Variants in ADAMTS18 observed in about 807,000 individuals in gnomAD.
ADAMTS18 encodes the protein ADAM metallopeptidase with thrombospondin type 1 motif 18.
A neutral mutation model predicts 165.9 loss-of-function variants in ADAMTS18; 157 were observed. That is an observed-to-expected ratio of 0.95 (90% CI 0.83 to 1.08). The LOEUF (loss-of-function observed/expected upper bound fraction) is 1.08, where lower values mean the gene tolerates loss of function less well. Among genes scored for constraint, ADAMTS18 ranks in the 50% least tolerant of loss-of-function variants. The pLI is 0.00. For synonymous variants in ADAMTS18, 782 were observed against 578.2 expected (o/e 1.35, Z -5.06); for missense variants, 2,040 against 1,534.0 (o/e 1.33, Z -5.51).
Position 77,321,194 on chromosome 16 carries a change from T to C in ADAMTS18, c.2172A>G (p.Gly724=). ...VCIDGVCELV[G]CDHELGSKAV... ...CTTTAGAGCCTAGTTCATGATCACA[T>C]CCCACTAGCTGTGACAAAAACAAAA... Residue 724 remains glycine (G), a synonymous_variant, in exon 15 of 23, where the codon GGA becomes GGG. Transcript: ENST00000282849. 1 of 1,614,100 alleles carries C rather than the reference T, an allele frequency of 6.2e-7. No homozygotes were observed. The highest frequency in any genetic ancestry group is 1.3e-5 in the African/African-American group (1 of 75,022).
chr16:77,384,328 C>G lies in ADAMTS18; in HGVS notation c.496-16605G>C, dbSNP rs370572606. ...CACAGCCCCCTCGTAGGCTTCCATA[C>G]CATTCACAGCACATATCAAGGAAAC... On this transcript the variant is annotated intron_variant, in intron 3 of 22. Transcript: ENST00000282849. Among the ~76,000 whole-genome samples, 6 of 152,174 alleles carry G rather than the reference C, an allele frequency of 3.9e-5. No individual in the cohort carries two copies. The East Asian group carries it at 7.7e-4, about 20-fold the overall frequency.
At chr16:77,295,155 T>G in intron 18 of ADAMTS18, 28 bp from the exon 19 acceptor site, 1 of 1,613,150 alleles carries the variant, frequency 6.2e-7, no homozygotes, top group South Asian at 1.1e-5. Context: ...ACATTACCAA[T>G]GAAGCCAAAC....
chr16:77,394,792 G>A (rs1286599389), intron 3 of ADAMTS18, among the ~76,000 whole-genome samples: 1 of 152,154 alleles, frequency 6.6e-6, no homozygotes, highest in Non-Finnish European at 1.5e-5. Context: ...ATTAATGTAG[G>A]ATTGCCATCA....
chr16:77,288,553 C>A (rs1019887274), intron 22 of ADAMTS18, among the ~76,000 whole-genome samples: 5 of 152,132 alleles, frequency 3.3e-5, no homozygotes, highest in African/African-American at 1.2e-4. Context: ...ACTGCACTTC[C>A]CTTGAACTAA....
rs775505870 is a variant in ADAMTS18 at position 77,367,715 on chromosome 16, T to G, written c.504A>C (p.Leu168Phe). 1.9e-6 allele frequency: 3 copies of G among 1,614,078 alleles called. No individual in the cohort carries two copies. In the East Asian group the frequency reaches 6.7e-5, roughly 36 times the overall value. ...AVSTCAGLSG[L>F]IRTRKNEFLI... Reference sequence around the variant, plus strand: ...GGAATTCATTTTTTCGTGTCCTTATTAAACCTGACTAAAAAGCCAAACACA... The same window carrying G: ...GGAATTCATTTTTTCGTGTCCTTATGAAACCTGACTAAAAAGCCAAACACA... The change falls in exon 4 of 23, where the codon TTA becomes TTC. Residue 168 changes from leucine to phenylalanine, a missense_variant. Coordinates refer to ENST00000282849, the MANE Select transcript of ADAMTS18 (RefSeq NM_199355.4).
intron 3 of ADAMTS18, chr16:77,378,942 G>C (rs1008903723): frequency 2.6e-5 from 4 of 152,128 alleles, no homozygotes; most frequent in African/African-American, 7.2e-5. Flanking sequence ...TCAGTTTATT[G>C]AGAAAAACAA....
intron 3 of ADAMTS18, among the ~76,000 whole-genome samples, chr16:77,388,862 C>T (rs1051657604): frequency 2.0e-5 from 3 of 152,160 alleles, no homozygotes; most frequent in African/African-American, 7.2e-5. Context: ...CTAACAGATT[C>T]TGAATAAGTG....
intron 11 of ADAMTS18, among the ~76,000 whole-genome samples, chr16:77,336,987 T>A (rs1042487317): frequency 2.0e-5 from 3 of 152,234 alleles, no homozygotes; most frequent in Non-Finnish European, 2.9e-5. Flanking sequence ...GACTTTCAAA[T>A]CTTCACTTAT....
rs765223011 is a variant in ADAMTS18, at chr16:77,297,295, G to A, written c.2795C>T (p.Pro932Leu). 27 of 1,614,106 alleles carry A rather than the reference G, an allele frequency of 1.7e-5. No homozygotes were observed. The highest frequency in any genetic ancestry group is 3.3e-5 in the Admixed American group (2 of 60,016). ...ACACTTCCAAATGACTTACTAAGCC[G>A]GGCAGGAGAAAGCGTTGCAGATTTT... Reference protein sequence around the residue: ...EPKICNAFSCPAYWMPGEWST... With the variant: ...EPKICNAFSCLAYWMPGEWST... The change falls in exon 18 of 23, where the codon CCG becomes CTG. Residue 932 changes from proline (P) to leucine (L), a missense_variant. Transcript: ENST00000282849.
intron 16 of ADAMTS18, among the ~76,000 whole-genome samples, chr16:77,303,767 C>G (rs2144600386): frequency 6.6e-6 from 1 of 152,308 alleles, no homozygotes; most frequent in Non-Finnish European, 1.5e-5. Flanking sequence ...GACGCGGGGG[C>G]TCGCGCCTGT....
intron 3 of ADAMTS18, among the ~76,000 whole-genome samples, chr16:77,384,207 A>G (rs1272588442): frequency 3.9e-5 from 6 of 152,210 alleles, no homozygotes; most frequent in African/African-American, 1.4e-4. Context: ...CAAGACTTCA[A>G]CGTCTACATT....
chr16:77,421,670 T>C (rs1305879344), intron 3 of ADAMTS18, among the ~76,000 whole-genome samples: 1 of 152,204 alleles, frequency 6.6e-6, no homozygotes, highest in Non-Finnish European at 1.5e-5. Flanking sequence ...ACTGGGTGGC[T>C]AATATCACTG....
At chr16:77,409,721 G>C (rs1388795393) in intron 3 of ADAMTS18, among the ~76,000 whole-genome samples, 1 of 152,088 alleles carries the variant, frequency 6.6e-6, no homozygotes, top group Admixed American at 6.6e-5. Flanking sequence ...TCAGCTAAAA[G>C]CTAGGCTATC....
chr16:77,350,801 G>A (rs1333282766), intron 10 of ADAMTS18, among the ~76,000 whole-genome samples: 1 of 152,114 alleles, frequency 6.6e-6, no homozygotes, highest in Non-Finnish European at 1.5e-5. Flanking sequence ...TTTCTCACAA[G>A]TTTCAGGTCT....
At chr16:77,424,752 A>C (rs1262047164) in intron 3 of ADAMTS18, among the ~76,000 whole-genome samples, 1 of 152,256 alleles carries the variant, frequency 6.6e-6, no homozygotes, top group Non-Finnish European at 1.5e-5. Flanking sequence ...AGCCTAAGAA[A>C]ACATCACTGA....
At position 77,335,851 on chromosome 16, in the gene ADAMTS18, G is replaced by C; in HGVS notation, c.1764C>G (p.Ile588Met). The change falls in exon 12 of 23, where the codon ATC (isoleucine) becomes ATG (methionine). Residue 588 changes from isoleucine to methionine, a missense_variant. Physicochemically the swap from Ile to Met is conservative, Grantham distance 10 (BLOSUM62 1). Coordinates refer to ENST00000282849, the MANE Select transcript of ADAMTS18 (RefSeq NM_199355.4). ...TCGACCAGGCGGACCACTGGCCGTG[G>C]ATGGGCCGGGGCCCGAGCTCCCCAA... Reference protein sequence around the residue: ...VKFGELGPRPIHGQWSAWSKW... With the variant: ...VKFGELGPRPMHGQWSAWSKW... 2 of 1,614,206 alleles carry C rather than the reference G, an allele frequency of 1.2e-6. No homozygotes were observed. Among genetic ancestry groups the C allele is most frequent in the African/African-American group, 2.7e-5 (2 of 75,058 alleles).
intron 21 of ADAMTS18, among the ~76,000 whole-genome samples, chr16:77,290,087 T>C (rs2055333529): frequency 6.6e-6 from 1 of 152,266 alleles, no homozygotes; most frequent in African/African-American, 2.4e-5. Flanking sequence ...CATTAATTTT[T>C]CTTAAATGTA....
At position 77,335,869 on chromosome 16, in the gene ADAMTS18, C is replaced by A. The variant is rs2056301700; in HGVS notation, c.1746G>T (p.Glu582Asp). The change falls in exon 12 of 23, where the codon GAG becomes GAT. Residue 582 changes from glutamate (E) to aspartate (D), a missense_variant. Glu to Asp is a conservative substitution (Grantham distance 45). Coordinates refer to ENST00000282849, the MANE Select transcript of ADAMTS18 (RefSeq NM_199355.4). ...GGCCGTGGATGGGCCGGGGCCCGAGCTCCCCAAACTTTACGCACTGGCCTT... is the reference window on the plus strand; with the variant it reads ...GGCCGTGGATGGGCCGGGGCCCGAGATCCCCAAACTTTACGCACTGGCCTT... ...CRQGQCVKFG[E>D]LGPRPIHGQW... is the part of the protein sequence containing the mutation. 2 of 1,614,070 alleles carry A rather than the reference C, an allele frequency of 1.2e-6. No individual in the cohort carries two copies. Among genetic ancestry groups the A allele is most frequent in the African/African-American group, 2.7e-5 (2 of 74,930 alleles).
Position 77,291,334 on chromosome 16 carries a change from G to A in ADAMTS18, c.3334C>T (p.Arg1112Ter), listed in dbSNP as rs776870884. ...ACTGGATGGGCTGGGCAAGCCCGTC[G>A]GTTGCAGGTCTCTTCCAAGTCCAGA... ...PNLDLEETCN[R>*]RACPAHPVYN... The change falls in exon 21 of 23, where the codon CGA (arginine) becomes TGA (stop). Residue 1112 changes from arginine (R) to a stop codon, truncating the protein, a stop_gained. Transcript: ENST00000282849. LOFTEE classifies it high-confidence loss of function. 49 of 1,614,028 alleles carry A rather than the reference G, an allele frequency of 3.0e-5. No homozygotes were observed. Among genetic ancestry groups the A allele is most frequent in the Non-Finnish European group, 3.8e-5 (45 of 1,180,038 alleles).
Sources: allele counts gnomAD v4.1 joint callset (sites outside exome capture counted in the v4.1 genomes callset), GRCh38; gene constraint gnomAD v4.1.1; transcripts MANE v1.5; gene names NCBI Gene and HGNC (gene_info 2026-07-23, HGNC 2026-07-21).